Variants in DRC9 observed in about 807,000 individuals in gnomAD.
DRC9 encodes dynein regulatory complex protein 9.
chr3:197,933,463 A>G, the DRC9 span, among the ~76,000 whole-genome samples: 70 of 152,198 alleles, frequency 4.6e-4, no homozygotes, highest in African/African-American at 1.7e-3. Flanking sequence ...AAAAACAAAA[A>G]AACCGCAAAA....
At chr3:197,932,464 C>T in the DRC9 span, among the ~76,000 whole-genome samples, 1 of 151,642 alleles carries the variant, frequency 6.6e-6, no homozygotes, top group Non-Finnish European at 1.5e-5. Flanking sequence ...AAAACCCCAT[C>T]CCTACTAAAA....
the DRC9 span, among the ~76,000 whole-genome samples, chr3:197,941,232 T>C: frequency 8.4e-6 from 1 of 119,250 alleles, no homozygotes; most frequent in African/African-American, 3.1e-5. Flanking sequence ...CTCCCTTCCC[T>C]TCCCTCTCCC....
At chr3:197,912,721 G>A in the DRC9 span, 1 of 1,613,820 alleles carries the variant, frequency 6.2e-7, no homozygotes, top group Admixed American at 1.7e-5. Flanking sequence ...ATGAGTCCGG[G>A]CCTCTTCTTC....
chr3:197,896,739 C>A, the DRC9 span, among the ~76,000 whole-genome samples: 1 of 152,194 alleles, frequency 6.6e-6, no homozygotes, highest in Non-Finnish European at 1.5e-5. Context: ...AAAGGGATTT[C>A]TCTGAGGTCT....
At chr3:197,916,989 G>A in the DRC9 span, among the ~76,000 whole-genome samples, 3 of 152,158 alleles carry the variant, frequency 2.0e-5, no homozygotes, top group Admixed American at 2.0e-4. Flanking sequence ...TGTGGCCTGC[G>A]GGCTACAGGT....
chr3:197,910,561 T>C, the DRC9 span, among the ~76,000 whole-genome samples: 1 of 152,164 alleles, frequency 6.6e-6, no homozygotes, highest in African/African-American at 2.4e-5. Flanking sequence ...ATCTACAAAT[T>C]CTCCTCTTTA....
the DRC9 span, chr3:197,914,057 C>T: frequency 1.9e-6 from 3 of 1,611,162 alleles, no homozygotes; most frequent in Non-Finnish European, 2.5e-6. Context: ...AGTGGAAAGA[C>T]CAGGTTTCTA....
At chr3:197,913,915 T>C in the DRC9 span, 1 of 1,614,178 alleles carries the variant, frequency 6.2e-7, no homozygotes, top group South Asian at 1.1e-5. Flanking sequence ...CTCTGTTCTG[T>C]TACACTTTTT....
At chr3:197,898,186 C>T in the DRC9 span, among the ~76,000 whole-genome samples, 4 of 152,056 alleles carry the variant, frequency 2.6e-5, no homozygotes. Flanking sequence ...TACGCTCTTC[C>T]CTCACCTCCT....
chr3:197,948,337 A>C, the DRC9 span, among the ~76,000 whole-genome samples: 1 of 152,022 alleles, frequency 6.6e-6, no homozygotes. Flanking sequence ...CCTTTCGCTG[A>C]CTCGTCAGGC....
the DRC9 span, chr3:197,925,962 T>A: frequency 2.3e-6 from 2 of 854,552 alleles, no homozygotes; most frequent in Non-Finnish European, 4.1e-6. Context: ...GAAAGATGGC[T>A]TCCATATATT....
At chr3:197,891,250 G>C in the DRC9 span, among the ~76,000 whole-genome samples, 1 of 152,104 alleles carries the variant, frequency 6.6e-6, no homozygotes, top group African/African-American at 2.4e-5. Context: ...AGAGCTGGGG[G>C]CACGTCCTTT....
chr3:197,924,753 C>T, the DRC9 span, among the ~76,000 whole-genome samples: 7 of 152,064 alleles, frequency 4.6e-5, no homozygotes, highest in African/African-American at 1.4e-4. Flanking sequence ...CTCTTAACCT[C>T]GTGATCCGCC....
the DRC9 span, among the ~76,000 whole-genome samples, chr3:197,927,971 G>C: frequency 6.6e-6 from 1 of 150,876 alleles, no homozygotes; most frequent in African/African-American, 2.4e-5. Context: ...GTGGGGGGCT[G>C]GGGGAGGGAG....
chr3:197,900,521 G>A, the DRC9 span, among the ~76,000 whole-genome samples: 1 of 138,060 alleles, frequency 7.2e-6, no homozygotes, highest in African/African-American at 2.9e-5. The surrounding 1 kb of genome is among the most constrained non-coding windows in gnomAD (Gnocchi z 4.7). Flanking sequence ...AGCAGAACAG[G>A]GCACTCAGCA....
chr3:197,944,335 C>T, the DRC9 span, among the ~76,000 whole-genome samples: 4 of 151,404 alleles, frequency 2.6e-5, no homozygotes, highest in South Asian at 2.1e-4. Context: ...CTCAGCTCAC[C>T]GCAACCTCTG....
the DRC9 span, chr3:197,943,831 T>A: frequency 6.2e-7 from 1 of 1,614,182 alleles, no homozygotes; most frequent in South Asian, 1.1e-5. Context: ...TAGTTCAGAA[T>A]AGAGAGCTGG....
At chr3:197,943,135 C>T in the DRC9 span, among the ~76,000 whole-genome samples, 608 of 152,216 alleles carry the variant, frequency 4.0e-3, 2 homozygotes, top group South Asian at 0.025. Context: ...TAGATTAAAG[C>T]GTTAAGAGTG....
chr3:197,925,908 C>A, the DRC9 span: 1 of 714,992 alleles, frequency 1.4e-6, no homozygotes, highest in South Asian at 1.6e-5. Context: ...AAAGGAATGC[C>A]GGAGGAAACA....
Sources: gnomAD v4.1 joint callset for allele counts (sites outside exome capture counted in the v4.1 genomes callset) on GRCh38, gnomAD v4.1.1 for gene constraint, Gnocchi (gnomAD v3.1) non-coding constraint, MANE v1.5 for transcripts, NCBI Gene and HGNC (gene_info 2026-07-23, HGNC 2026-07-21) for gene names.